Variants in KCNH1 observed in about 807,000 individuals in gnomAD.
KCNH1 encodes the protein voltage-gated delayed rectifier potassium channel KCNH1.
Under a neutral mutation model 69.2 loss-of-function variants are expected in KCNH1, and 27 were observed. The observed-to-expected ratio is 0.39, with a 90% confidence interval of 0.29 to 0.54. The LOEUF (loss-of-function observed/expected upper bound fraction) is 0.54, where lower values mean the gene tolerates loss of function less well. Ranked by LOEUF, KCNH1 falls within the 20% of genes least tolerant of loss-of-function variation. The pLI, the probability that KCNH1 is intolerant of heterozygous loss-of-function variation, is 0.68. For synonymous variants in KCNH1, 456 were observed against 487.7 expected (o/e 0.93, Z 0.86); for missense variants, 798 against 1,261.6 (o/e 0.63, Z 5.57).
intron 1 of KCNH1, among the ~76,000 whole-genome samples, chr1:211,118,151 G>A (rs1691617303): frequency 6.6e-6 from 1 of 152,164 alleles, no homozygotes; most frequent in African/African-American, 2.4e-5. Flanking sequence ...TCACATATTG[G>A]TGGGTCCATT....
chr1:210,800,274 C>G (rs1684402770), intron 8 of KCNH1, among the ~76,000 whole-genome samples: 1 of 152,226 alleles, frequency 6.6e-6, no homozygotes, highest in Admixed American at 6.5e-5. Context: ...AAACAAGACT[C>G]CTGCAGAAAT....
intron 7 of KCNH1, among the ~76,000 whole-genome samples, chr1:210,856,545 A>G (rs1420402826): frequency 1.3e-5 from 2 of 151,490 alleles, no homozygotes; most frequent in African/African-American, 4.9e-5. Flanking sequence ...CTTCTTCCTC[A>G]TTCTCCAGCT....
intron 6 of KCNH1, among the ~76,000 whole-genome samples, chr1:210,956,541 T>G (rs547384574): frequency 1.8e-4 from 27 of 151,364 alleles, no homozygotes; most frequent in African/African-American, 6.3e-4. Flanking sequence ...CTGGAGTTTT[T>G]TTTTTTTTTT....
chr1:210,999,125 C>T (rs1288643976), intron 6 of KCNH1, among the ~76,000 whole-genome samples: 1 of 152,072 alleles, frequency 6.6e-6, no homozygotes, highest in African/African-American at 2.4e-5. Flanking sequence ...AGAGCAAACT[C>T]ATTCAAAAGC....
At chr1:210,691,574 G>A (rs1426916894) in intron 10 of KCNH1, among the ~76,000 whole-genome samples, 1 of 152,174 alleles carries the variant, frequency 6.6e-6, no homozygotes, top group Non-Finnish European at 1.5e-5. Context: ...TGGGTTTTAG[G>A]ACAAAGGACA....
chr1:211,101,020 C>T (rs1691248022), intron 3 of KCNH1, among the ~76,000 whole-genome samples: 1 of 152,204 alleles, frequency 6.6e-6, no homozygotes. Context: ...GCCTGGGATA[C>T]TCTTGGCCCT....
At chr1:211,087,735 A>G (rs573378875) in intron 4 of KCNH1, among the ~76,000 whole-genome samples, 1 of 152,078 alleles carries the variant, frequency 6.6e-6, no homozygotes, top group African/African-American at 2.4e-5. Flanking sequence ...TGTGGGCACT[A>G]TTTGTCAGAG....
rs1202906757 is a variant in KCNH1 at position 210,754,844 on chromosome 1, G to GGCA, written c.2112+20503_2112+20504insTGC. ...GGGCCTGATACACAAGTACACACGG[G>GGCA]CACACACACACACACACACACACAC... On this transcript the variant is annotated intron_variant, in intron 10 of 10. Transcript: ENST00000271751. Among the ~76,000 whole-genome samples the GGCA allele has an allele frequency of 4.9e-3, 731 of 148,956 alleles. 1 individual carries two copies. Among genetic ancestry groups the GGCA allele is most frequent in the African/African-American group, 0.011 (430 of 40,426 alleles).
chr1:210,951,296 G>T (rs1688058172), intron 6 of KCNH1, among the ~76,000 whole-genome samples: 1 of 152,150 alleles, frequency 6.6e-6, no homozygotes, highest in African/African-American at 2.4e-5. Flanking sequence ...GGAAAACTGA[G>T]AAAACATAAA....
intron 6 of KCNH1, among the ~76,000 whole-genome samples, chr1:210,942,380 A>G (rs926182001): frequency 6.6e-6 from 1 of 152,134 alleles, no homozygotes; most frequent in East Asian, 1.9e-4. Context: ...TCCGAGCTTC[A>G]CATCTTCACC....
intron 10 of KCNH1, among the ~76,000 whole-genome samples, chr1:210,765,131 CACTT>C (rs1409144080): frequency 3.9e-5 from 6 of 151,916 alleles, no homozygotes; most frequent in African/African-American, 7.3e-5. Flanking sequence ...CACATGTTCT[CACTT>C]ACAAGTAGTA....
At chr1:210,689,319 G>A (rs187709726) in intron 10 of KCNH1, among the ~76,000 whole-genome samples, 64 of 152,294 alleles carry the variant, frequency 4.2e-4, no homozygotes, top group African/African-American at 1.4e-3. Flanking sequence ...AGCTCTTCTC[G>A]TGCCTAACCT....
intron 7 of KCNH1, among the ~76,000 whole-genome samples, chr1:210,833,622 G>A (rs113424177): frequency 0.21 from 32,561 of 151,960 alleles, 4,585 homozygotes; most frequent in Non-Finnish European, 0.32. Flanking sequence ...ACATAGGCAC[G>A]GGCAAGGACT....
At chr1:211,059,973 A>G (rs1325945241) in intron 5 of KCNH1, among the ~76,000 whole-genome samples, 1 of 152,206 alleles carries the variant, frequency 6.6e-6, no homozygotes, top group African/African-American at 2.4e-5. Context: ...AGGAAAGACC[A>G]TAAATTAGAC....
intron 6 of KCNH1, among the ~76,000 whole-genome samples, chr1:210,953,587 T>C (rs1012848405): frequency 1.3e-5 from 2 of 152,308 alleles, no homozygotes; most frequent in East Asian, 1.9e-4. Flanking sequence ...AGCATTTCAG[T>C]TGGTCTCCCT....
chr1:210,982,971 G>A lies in KCNH1; in HGVS notation c.1032+35812C>T, dbSNP rs558444442. Among the ~76,000 whole-genome samples, 5 of 152,326 alleles carry A rather than the reference G, an allele frequency of 3.3e-5. No individual in the cohort carries two copies. In the South Asian group the frequency reaches 1.0e-3, roughly 32 times the overall value. ...TTTAATGATCGCCATTCTAACTGGT[G>A]TGCGATAGTAACTCATTGTGGTTTT... On this transcript the variant is annotated intron_variant, in intron 6 of 10. Coordinates refer to ENST00000271751, the MANE Select transcript of KCNH1 (RefSeq NM_172362.3).
rs1230091717 is a variant in KCNH1 at position 210,884,145 on chromosome 1, G to A, written c.1462+35495C>T. Reference sequence around the variant, plus strand: ...GCACCCATAGGCACGTGCATGCATAGAGCCATGGTCATTACCCTTTGAAAG... The same window carrying A: ...GCACCCATAGGCACGTGCATGCATAAAGCCATGGTCATTACCCTTTGAAAG... On this transcript the variant is annotated intron_variant, in intron 7 of 10. Coordinates refer to ENST00000271751, the MANE Select transcript of KCNH1 (RefSeq NM_172362.3). Among the ~76,000 whole-genome samples, 5 of 152,160 alleles carry A rather than the reference G, an allele frequency of 3.3e-5. No homozygotes were observed. In the East Asian group the frequency reaches 5.8e-4, roughly 18 times the overall value.
intron 5 of KCNH1, among the ~76,000 whole-genome samples, chr1:211,067,768 G>A (rs1420424942): frequency 2.0e-5 from 3 of 152,174 alleles, no homozygotes; most frequent in Non-Finnish European, 4.4e-5. Flanking sequence ...AAGAAACAAC[G>A]TCCAGAAGGA....
intron 5 of KCNH1, among the ~76,000 whole-genome samples, chr1:211,020,925 A>C (rs929424024): frequency 5.2e-5 from 7 of 135,294 alleles, no homozygotes; most frequent in Non-Finnish European, 1.1e-4. Flanking sequence ...CATTTGATAA[A>C]ATTCGATATC....
Sources: gnomAD v4.1 joint callset for allele counts (sites outside exome capture counted in the v4.1 genomes callset) on GRCh38, gnomAD v4.1.1 for gene constraint, MANE v1.5 for transcripts, NCBI Gene and HGNC (gene_info 2026-07-23, HGNC 2026-07-21) for gene names.